ZBTB20: variants seen among roughly 807,000 people sequenced by gnomAD.
ZBTB20 encodes zinc finger and BTB domain containing 20, also known as zinc finger and BTB domain-containing protein 20.
In ZBTB20, 9 loss-of-function variants were observed where a neutral mutation model predicts 56.9. That is an observed-to-expected ratio of 0.16 (90% CI 0.10 to 0.28). The LOEUF is 0.28. Among genes scored for constraint, ZBTB20 ranks in the 10% least tolerant of loss-of-function variants. The pLI, the probability that ZBTB20 is intolerant of heterozygous loss-of-function variation, is 1.00. For synonymous variants in ZBTB20, 417 were observed against 420.7 expected, an observed-to-expected ratio of 0.99 and a Z score of 0.11; for missense variants, 655 against 1,003.0, an observed-to-expected ratio of 0.65 and a Z score of 4.69.
At chr3:114,557,634 T>A (rs1184930863) in intron 6 of ZBTB20, among the ~76,000 whole-genome samples, 2 of 151,962 alleles carry the variant, frequency 1.3e-5, no homozygotes, top group East Asian at 3.9e-4. Context: ...TTCTTGTCTC[T>A]TCATACTTAC....
At chr3:114,884,611 T>C (rs1327427874) in intron 4 of ZBTB20, among the ~76,000 whole-genome samples, 1 of 152,182 alleles carries the variant, frequency 6.6e-6, no homozygotes, top group Non-Finnish European at 1.5e-5. Flanking sequence ...ATAAAACATT[T>C]TGAATGAAGC....
intron 7 of ZBTB20, among the ~76,000 whole-genome samples, chr3:114,461,309 T>TC: frequency 7.3e-6 from 1 of 137,562 alleles, no homozygotes; most frequent in Admixed American, 7.3e-5. Context: ...CCCCCCCCTC[T>TC]TTTTTTTTGA....
chr3:114,556,271 A>C (rs1273336191), intron 6 of ZBTB20, among the ~76,000 whole-genome samples: 1 of 151,952 alleles, frequency 6.6e-6, no homozygotes, highest in South Asian at 2.1e-4. Context: ...CTCATTGACG[A>C]TTTCCTTGAA....
intron 7 of ZBTB20, among the ~76,000 whole-genome samples, chr3:114,427,801 A>G (rs566356132): frequency 6.6e-6 from 1 of 152,360 alleles, no homozygotes; most frequent in East Asian, 1.9e-4. Context: ...TTCTTCAGAA[A>G]CGTGGAGAAT....
chr3:114,419,731 C>T (rs554196566), intron 7 of ZBTB20, among the ~76,000 whole-genome samples: 12 of 152,218 alleles, frequency 7.9e-5, no homozygotes, highest in African/African-American at 2.9e-4. Context: ...ATTATACAAT[C>T]TACGTTGCCA....
intron 7 of ZBTB20, among the ~76,000 whole-genome samples, chr3:114,448,777 G>C (rs2091426971): frequency 6.6e-6 from 1 of 152,036 alleles, no homozygotes; most frequent in Admixed American, 6.6e-5. Context: ...TGGGTGTTAA[G>C]TATATATATA....
At chr3:114,927,441 T>TA (rs1302136093) in intron 3 of ZBTB20, among the ~76,000 whole-genome samples, 2 of 152,166 alleles carry the variant, frequency 1.3e-5, no homozygotes, top group East Asian at 3.9e-4. Context: ...GTTGACAAAA[T>TA]AAACTTCCTA....
chr3:114,842,275 G>GT (rs2074414511), intron 4 of ZBTB20, among the ~76,000 whole-genome samples: 1 of 151,962 alleles, frequency 6.6e-6, no homozygotes, highest in Admixed American at 6.6e-5. Flanking sequence ...GAGGGGTGAA[G>GT]TTTTTTTGCA....
At chr3:114,987,505 G>C (rs1048166786) in intron 2 of ZBTB20, among the ~76,000 whole-genome samples, 1 of 152,106 alleles carries the variant, frequency 6.6e-6, no homozygotes, top group Non-Finnish European at 1.5e-5. Context: ...ACAAAACGTT[G>C]CAATATTTTC....
chr3:114,370,905 A>G (rs1294057536), intron 10 of ZBTB20, among the ~76,000 whole-genome samples: 1 of 152,182 alleles, frequency 6.6e-6, no homozygotes, highest in Non-Finnish European at 1.5e-5. Flanking sequence ...TGTTGTAACT[A>G]ACACTCAGCT....
chr3:114,376,647 C>T (rs900978518), intron 10 of ZBTB20, among the ~76,000 whole-genome samples: 8 of 152,072 alleles, frequency 5.3e-5, no homozygotes, highest in Non-Finnish European at 8.8e-5. Context: ...ATGCTACCTA[C>T]GGAGCTAAAG....
intron 3 of ZBTB20, among the ~76,000 whole-genome samples, chr3:114,956,457 T>A (rs997676768): frequency 4.6e-5 from 7 of 152,190 alleles, no homozygotes; most frequent in African/African-American, 1.4e-4. Flanking sequence ...AATCTTCAAC[T>A]AGGAAGACAT....
intron 2 of ZBTB20, among the ~76,000 whole-genome samples, chr3:115,039,384 T>C (rs2081053689): frequency 6.6e-6 from 1 of 152,098 alleles, no homozygotes; most frequent in South Asian, 2.1e-4. Context: ...TTACTCTGTA[T>C]GTTCCCAAGG....
intron 1 of ZBTB20, among the ~76,000 whole-genome samples, chr3:115,131,008 G>A (rs182104711): frequency 3.0e-3 from 460 of 152,294 alleles, no homozygotes; most frequent in Non-Finnish European, 4.8e-3. Context: ...TGATCCAGCT[G>A]CCTCGGCCTC....
chr3:114,783,543 C>T (rs1197971584), intron 5 of ZBTB20, among the ~76,000 whole-genome samples: 3 of 152,086 alleles, frequency 2.0e-5, no homozygotes, highest in Non-Finnish European at 2.9e-5. Context: ...TGCCTGTAAT[C>T]CCAGCACTTT....
At chr3:115,015,727 C>A (rs1328944426) in intron 2 of ZBTB20, among the ~76,000 whole-genome samples, 1 of 151,840 alleles carries the variant, frequency 6.6e-6, no homozygotes, top group African/African-American at 2.4e-5. Context: ...CACTGATGGG[C>A]TTTTGGGTTG....
intron 2 of ZBTB20, among the ~76,000 whole-genome samples, chr3:115,000,936 A>T (rs977728114): frequency 5.9e-5 from 9 of 151,526 alleles, no homozygotes; most frequent in African/African-American, 2.2e-4. Context: ...CAACAAGAGA[A>T]TACCATCAAT....
At chr3:114,632,786 G>C (rs1034921171) in intron 6 of ZBTB20, among the ~76,000 whole-genome samples, 2 of 152,124 alleles carry the variant, frequency 1.3e-5, no homozygotes, top group Admixed American at 6.6e-5. Flanking sequence ...CTGATAATCA[G>C]GTAATAAGAC....
At position 114,330,298 on chromosome 3, in the gene ZBTB20, T is replaced by C. The variant is rs931684382; in HGVS notation, c.*8707A>G. On this transcript the variant is annotated 3_prime_UTR_variant, in exon 12 of 12. Transcript: ENST00000675478. Reference sequence around the variant, plus strand: ...CACCAGATTAACTGCAGCAGGTTGGTGATGGGTGATATAAGCAAAGACATA... The same window carrying C: ...CACCAGATTAACTGCAGCAGGTTGGCGATGGGTGATATAAGCAAAGACATA... 2.6e-5 allele frequency: 4 copies of C among 152,128 alleles called. No homozygotes were observed. Among genetic ancestry groups the C allele is most frequent in the Non-Finnish European group, 4.4e-5 (3 of 68,026 alleles). 9.4% of individuals were successfully genotyped at this position (152,128 alleles called of 1,614,324 possible). A position where few individuals can be genotyped will look rare whatever the true frequency, so the allele number is the denominator to read the frequency against.
Sources: gnomAD v4.1 joint callset for allele counts (sites outside exome capture counted in the v4.1 genomes callset) on GRCh38, gnomAD v4.1.1 for gene constraint, MANE v1.5 for transcripts, NCBI Gene and HGNC (gene_info 2026-07-23, HGNC 2026-07-21) for gene names.